The following RBP7 variants were observed in gnomAD, a reference collection of about 807,000 sequenced individuals.
The protein encoded by RBP7 is retinoid-binding protein 7.
Under a neutral mutation model 16.7 loss-of-function variants are expected in RBP7, and 13 were observed. The observed-to-expected ratio is 0.78, with a 90% CI of 0.51 to 1.24. The LOEUF (loss-of-function observed/expected upper bound fraction) is 1.24, where lower values mean the gene tolerates loss of function less well. Ranked by LOEUF, RBP7 falls within the 50% of genes most tolerant of loss-of-function variation. The pLI is 0.00. For missense variants in RBP7, 145 were observed against 159.5 expected (o/e 0.91, Z 0.49); for synonymous variants, 54 against 56.2 (o/e 0.96, Z 0.17).
intron 1 of RBP7, among the ~76,000 whole-genome samples, chr1:9,999,399 G>C (rs544678178): frequency 6.6e-6 from 1 of 151,822 alleles, no homozygotes; most frequent in Non-Finnish European, 1.5e-5. Flanking sequence ...ATACCAAAAA[G>C]AAATTAGCTG....
At chr1:10,003,351 G>A (rs1414082698) in intron 1 of RBP7, among the ~76,000 whole-genome samples, 2 of 152,132 alleles carry the variant, frequency 1.3e-5, no homozygotes, top group Non-Finnish European at 2.9e-5. Context: ...ATTTGAATCC[G>A]GAGGCAGAGG....
At chr1:10,003,084 T>G (rs1557484321) in intron 1 of RBP7, among the ~76,000 whole-genome samples, 3 of 152,174 alleles carry the variant, frequency 2.0e-5, no homozygotes, top group African/African-American at 7.2e-5. Context: ...TCCATGGCAA[T>G]GACCAGAGGA....
chr1:10,005,754 G>T (rs1421190073), intron 1 of RBP7, among the ~76,000 whole-genome samples: 1 of 151,772 alleles, frequency 6.6e-6, no homozygotes, highest in Non-Finnish European at 1.5e-5. Flanking sequence ...GTAGAGATGG[G>T]GTTTTGCCAT....
intron 3 of RBP7, among the ~76,000 whole-genome samples, chr1:10,014,104 G>C (rs1230924766): frequency 1.1e-4 from 16 of 152,132 alleles, no homozygotes; most frequent in Admixed American, 1.1e-3. Context: ...AAAATCGAAG[G>C]CATGATTAGA....
chr1:10,004,479 G>A (rs968217779), intron 1 of RBP7, among the ~76,000 whole-genome samples: 40 of 150,634 alleles, frequency 2.7e-4, no homozygotes, highest in Non-Finnish European at 4.9e-4. Flanking sequence ...AGGTTCAAGC[G>A]ACTCTCCTGC....
intron 1 of RBP7, among the ~76,000 whole-genome samples, chr1:10,003,896 C>G (rs1642346076): frequency 6.6e-6 from 1 of 151,976 alleles, no homozygotes; most frequent in South Asian, 2.1e-4. Context: ...GCTGGGATTA[C>G]AGGCACCCCC....
intron 1 of RBP7, among the ~76,000 whole-genome samples, chr1:9,998,042 C>T (rs910830394): frequency 6.6e-6 from 1 of 152,198 alleles, no homozygotes; most frequent in Non-Finnish European, 1.5e-5. Flanking sequence ...GCGGTGCCAA[C>T]GGTGCGCGGA....
At chr1:10,007,136 G>A in intron 1 of RBP7, 1 of 321,012 alleles carries the variant, frequency 3.1e-6, no homozygotes, top group Non-Finnish European at 6.1e-6. Flanking sequence ...AGTAGAGATG[G>A]GGTTTCTACA....
intron 1 of RBP7, chr1:10,006,827 C>T: frequency 3.2e-6 from 1 of 312,608 alleles, no homozygotes. Context: ...TGTTTTCATT[C>T]TTGTTGAGAA....
chr1:9,999,137 G>A (rs1642223747), intron 1 of RBP7, among the ~76,000 whole-genome samples: 2 of 152,114 alleles, frequency 1.3e-5, no homozygotes, highest in Non-Finnish European at 2.9e-5. Flanking sequence ...CTTTCATTTG[G>A]CTCTCATTCT....
At chr1:10,000,499 A>T (rs573160627) in intron 1 of RBP7, among the ~76,000 whole-genome samples, 1 of 151,982 alleles carries the variant, frequency 6.6e-6, no homozygotes, top group Admixed American at 6.6e-5. Context: ...ACGACACTGC[A>T]CTCTAGCCTG....
At chr1:10,010,949 G>A (rs1334156482) in intron 3 of RBP7, among the ~76,000 whole-genome samples, 1 of 151,902 alleles carries the variant, frequency 6.6e-6, no homozygotes, top group East Asian at 1.9e-4. Context: ...GGCTGGTCTC[G>A]AATTCCTGAC....
intron 1 of RBP7, among the ~76,000 whole-genome samples, chr1:10,006,764 T>TAGAGAGAG (rs1212966695): frequency 4.2e-5 from 6 of 141,474 alleles, no homozygotes; most frequent in African/African-American, 1.6e-4. Context: ...TATATATATA[T>TAGAGAGAG]AGAGAGAGAG....
chr1:9,998,957 G>C (rs1642221685), intron 1 of RBP7, among the ~76,000 whole-genome samples: 1 of 152,060 alleles, frequency 6.6e-6, no homozygotes, highest in Admixed American at 6.6e-5. Context: ...AAGTGATATG[G>C]TTTGGCTGTG....
At chr1:10,006,352 A>AT (rs1312191914) in intron 1 of RBP7, among the ~76,000 whole-genome samples, 19 of 152,130 alleles carry the variant, frequency 1.2e-4, no homozygotes, top group African/African-American at 4.3e-4. Context: ...ACAAAAAAAT[A>AT]TTTAAAACAT....
intron 1 of RBP7, among the ~76,000 whole-genome samples, chr1:10,003,830 G>C (rs1642344128): frequency 6.6e-6 from 1 of 151,790 alleles, no homozygotes; most frequent in East Asian, 1.9e-4. Context: ...ATTTCAGCTT[G>C]CTGCAACCTC....
At chr1:10,008,386 G>A in intron 3 of RBP7, 112 bp downstream of exon 3, 2 of 631,386 alleles carry the variant, frequency 3.2e-6, no homozygotes, top group Non-Finnish European at 5.7e-6. Flanking sequence ...CGAGGTGGGT[G>A]TATCACTTGA....
chr1:10,014,783 G>A (rs772200244), intron 3 of RBP7, among the ~76,000 whole-genome samples: 3 of 152,138 alleles, frequency 2.0e-5, no homozygotes, highest in Non-Finnish European at 4.4e-5. Flanking sequence ...TATCAAGCCC[G>A]AGGAGGGGTT....
chr1:10,012,296 G>A (rs954872274), intron 3 of RBP7, among the ~76,000 whole-genome samples: 2 of 149,896 alleles, frequency 1.3e-5, no homozygotes, highest in Non-Finnish European at 3.0e-5. Context: ...CATGAGAATC[G>A]CTTGAACCCG....
Sources: gnomAD v4.1 joint callset for allele counts (sites outside exome capture counted in the v4.1 genomes callset) on GRCh38, gnomAD v4.1.1 for gene constraint, MANE v1.5 for transcripts, NCBI Gene and HGNC (gene_info 2026-07-23, HGNC 2026-07-21) for gene names.